DPP10: variants seen among roughly 807,000 people sequenced by gnomAD.
DPP10 encodes the protein dipeptidyl peptidase like 10.
Under a neutral mutation model 120.9 loss-of-function variants are expected in DPP10, and 33 were observed. The ratio of observed to expected loss-of-function variants is 0.27; its 90% CI spans 0.21 to 0.37. The LOEUF (loss-of-function observed/expected upper bound fraction) is 0.37, where lower values mean the gene tolerates loss of function less well. DPP10 is among the 10% of genes least tolerant of loss of function. The pLI is 1.00. For synonymous variants in DPP10, 337 were observed against 326.1 expected, an observed-to-expected ratio of 1.03 and a Z score of -0.36; for missense variants, 816 against 942.8, an observed-to-expected ratio of 0.87 and a Z score of 1.76.
In DPP10 at chr2:114,616,660, C is replaced by G. The variant is rs147647041; in HGVS notation, c.60+173822C>G. Among the ~76,000 whole-genome samples the G allele has an allele frequency of 3.0e-3, 460 of 152,190 alleles. 3 individuals are homozygous for G. Among genetic ancestry groups the G allele is most frequent in the African/African-American group, 0.01 (433 of 41,548 alleles). On this transcript the variant is annotated intron_variant, in intron 1 of 25. Coordinates refer to ENST00000410059, the MANE Select transcript of DPP10 (RefSeq NM_020868.6). ...GGAAAGAAGCTGGTTAATAAAACAT[C>G]TTTTTGTAAACTCAAACAAAATTAT...
chr2:114,856,911 G>T (rs961841674), intron 1 of DPP10, among the ~76,000 whole-genome samples: 5 of 152,086 alleles, frequency 3.3e-5, no homozygotes, highest in Non-Finnish European at 1.5e-5. Context: ...TACCATTTTT[G>T]AATGTTTCAT....
At chr2:115,478,097 C>T (rs2105240924) in intron 3 of DPP10, among the ~76,000 whole-genome samples, 1 of 152,226 alleles carries the variant, frequency 6.6e-6, no homozygotes, top group East Asian at 1.9e-4. Context: ...AGGGATCCAG[C>T]CCCGCAATCT....
intron 3 of DPP10, among the ~76,000 whole-genome samples, chr2:115,401,476 G>A (rs2104485281): frequency 6.6e-6 from 1 of 152,154 alleles, no homozygotes; most frequent in African/African-American, 2.4e-5. Context: ...CTAATTACTT[G>A]GGAGGTTGAA....
intron 1 of DPP10, among the ~76,000 whole-genome samples, chr2:114,891,733 C>G (rs918622825): frequency 1.3e-5 from 2 of 152,210 alleles, no homozygotes; most frequent in Non-Finnish European, 2.9e-5. Context: ...TTTTGCCACA[C>G]TTTTAAATGT....
At chr2:114,492,920 A>G (rs1558809211) in intron 1 of DPP10, among the ~76,000 whole-genome samples, 1 of 152,230 alleles carries the variant, frequency 6.6e-6, no homozygotes, top group East Asian at 1.9e-4. Flanking sequence ...GGACACAGGT[A>G]TGAGCAGCAT....
chr2:114,556,234 C>CATACATAT (rs368351720), intron 1 of DPP10, among the ~76,000 whole-genome samples: 21 of 86,948 alleles, frequency 2.4e-4, no homozygotes, highest in African/African-American at 9.2e-4. Flanking sequence ...ATAGATGATA[C>CATACATAT]ATATATATAT....
chr2:115,468,633 G>A (rs745949221), intron 3 of DPP10: 1 of 379,550 alleles, frequency 2.6e-6, no homozygotes, highest in Non-Finnish European at 5.2e-6. Flanking sequence ...ACATCCATGG[G>A]AGGTCATGCC....
intron 1 of DPP10, among the ~76,000 whole-genome samples, chr2:115,206,406 T>G (rs2056132252): frequency 6.6e-6 from 1 of 152,118 alleles, no homozygotes; most frequent in African/African-American, 2.4e-5. Flanking sequence ...GTTCACAGAG[T>G]CCAGGTACAT....
chr2:114,988,476 T>TA (rs1700561377), intron 1 of DPP10, among the ~76,000 whole-genome samples: 1 of 152,194 alleles, frequency 6.6e-6, no homozygotes, highest in Non-Finnish European at 1.5e-5. Flanking sequence ...CCTTACCCCA[T>TA]AAATTATCAT....
chr2:115,010,018 T>A (rs1482449260), intron 1 of DPP10, among the ~76,000 whole-genome samples: 2 of 152,202 alleles, frequency 1.3e-5, no homozygotes, highest in African/African-American at 2.4e-5. Flanking sequence ...TAAAACATAA[T>A]TGAATATTTT....
chr2:115,187,772 C>T (rs565838655), intron 1 of DPP10, among the ~76,000 whole-genome samples: 4 of 152,042 alleles, frequency 2.6e-5, no homozygotes, highest in East Asian at 1.9e-4. Flanking sequence ...GAGGCTGAGG[C>T]GGTCAGATCG....
intron 9 of DPP10, among the ~76,000 whole-genome samples, chr2:115,744,823 T>G (rs1318471983): frequency 6.6e-6 from 1 of 150,528 alleles, no homozygotes; most frequent in Admixed American, 7.0e-5. Flanking sequence ...TCAGTTTTAT[T>G]CCCTTTAGGT....
intron 1 of DPP10, among the ~76,000 whole-genome samples, chr2:114,924,658 C>T (rs879934481): frequency 2.0e-5 from 3 of 151,804 alleles, no homozygotes; most frequent in Non-Finnish European, 4.4e-5. Flanking sequence ...TAGTGTATTT[C>T]GGAAAAGGAA....
intron 5 of DPP10, among the ~76,000 whole-genome samples, chr2:115,681,709 CTTCCTTCCT>C (rs1198443943): frequency 2.0e-5 from 3 of 147,368 alleles, no homozygotes; most frequent in Non-Finnish European, 4.5e-5. Flanking sequence ...GCCTTCCTAC[CTTCCTTCCT>C]TTCCTTCCTT....
chr2:115,163,292 C>G (rs2104987278), intron 1 of DPP10, among the ~76,000 whole-genome samples: 1 of 152,288 alleles, frequency 6.6e-6, no homozygotes, highest in Middle Eastern at 3.4e-3. Flanking sequence ...ATTAATATTG[C>G]AGACTTGGTC....
At chr2:115,145,026 C>T (rs569840365) in intron 1 of DPP10, 1 of 151,920 alleles carries the variant, frequency 6.6e-6, no homozygotes, top group African/African-American at 2.4e-5. Context: ...TTGAAGGCAT[C>T]CCTGAGGAAA....
At chr2:115,611,144 A>C (rs1401531233) in intron 5 of DPP10, among the ~76,000 whole-genome samples, 1 of 152,216 alleles carries the variant, frequency 6.6e-6, no homozygotes, top group African/African-American at 2.4e-5. Flanking sequence ...GAAATGAAAG[A>C]GAAAAAAAGA....
intron 1 of DPP10, among the ~76,000 whole-genome samples, chr2:114,480,629 T>C (rs1465168737): frequency 1.4e-5 from 2 of 147,182 alleles, no homozygotes; most frequent in South Asian, 2.1e-4. Flanking sequence ...ACACCACATG[T>C]TCTCACTCAT....
At chr2:115,496,648 A>G (rs563102956) in intron 3 of DPP10, among the ~76,000 whole-genome samples, 16 of 152,176 alleles carry the variant, frequency 1.1e-4, no homozygotes, top group Admixed American at 9.2e-4. Context: ...AAATTGCTCT[A>G]TGGCTTTTCT....
Sources: gnomAD v4.1 joint callset for allele counts (sites outside exome capture counted in the v4.1 genomes callset) on GRCh38, gnomAD v4.1.1 for gene constraint, MANE v1.5 for transcripts, NCBI Gene and HGNC (gene_info 2026-07-23, HGNC 2026-07-21) for gene names.